Variants in ZC3H12B observed in about 807,000 individuals in gnomAD.
ZC3H12B encodes probable ribonuclease ZC3H12B.
A neutral mutation model predicts 43.9 loss-of-function variants in ZC3H12B; 7 were observed. The observed-to-expected ratio is 0.16, with a 90% CI of 0.09 to 0.30. ZC3H12B has a LOEUF of 0.30. Among genes scored for constraint, ZC3H12B ranks in the 10% least tolerant of loss-of-function variants. The probability of loss-of-function intolerance (pLI) is 1.00; values close to 1 mark genes in which losing one functional copy is unlikely to be tolerated. For missense variants in ZC3H12B, 475 were observed against 670.2 expected (o/e 0.71, Z 3.22); for synonymous variants, 222 against 241.7 (o/e 0.92, Z 0.76).
the ZC3H12B span, among the ~76,000 whole-genome samples, chrX:65,339,765 T>C: frequency 9.0e-6 from 1 of 111,608 alleles, no homozygotes; most frequent in Non-Finnish European, 1.9e-5. Context: ...TGATGAACCA[T>C]GCCTGACTAG....
At chrX:65,369,215 G>A (rs1448415685) in intron 2 of ZC3H12B, among the ~76,000 whole-genome samples, 1 of 111,461 alleles carries the variant, frequency 9.0e-6, no homozygotes, top group Admixed American at 9.6e-5. Context: ...TAGGCTTTTG[G>A]AATTAACAGG....
chrX:65,424,790 A>G (rs2067060913), intron 3 of ZC3H12B, among the ~76,000 whole-genome samples: 1 of 111,076 alleles, frequency 9.0e-6, no homozygotes, highest in South Asian at 3.7e-4. Context: ...GTGTGGTCTT[A>G]TTTCTGGGTT....
At chrX:65,200,867 A>G in the ZC3H12B span, among the ~76,000 whole-genome samples, 1 of 111,643 alleles carries the variant, frequency 9.0e-6, no homozygotes, top group Non-Finnish European at 1.9e-5. Flanking sequence ...TATTGAACCA[A>G]CCTTGCATCA....
chrX:65,112,447 A>AAC, the ZC3H12B span, among the ~76,000 whole-genome samples: 26,602 of 111,469 alleles, frequency 0.24, 7,592 homozygotes, highest in African/African-American at 0.82. Flanking sequence ...ATGTTGTTAA[A>AAC]ACCCTTCTAT....
the ZC3H12B span, among the ~76,000 whole-genome samples, chrX:65,244,628 G>A: frequency 9.8e-6 from 1 of 102,369 alleles, no homozygotes; most frequent in Non-Finnish European, 2.0e-5. Flanking sequence ...GTCTCGAGAG[G>A]CTGAAGCAGG....
At chrX:65,492,382 A>C (rs1336780939) in intron 1 of ZC3H12B, among the ~76,000 whole-genome samples, 1 of 112,347 alleles carries the variant, frequency 8.9e-6, no homozygotes, top group Non-Finnish European at 1.9e-5. Flanking sequence ...GTCAGTAGCA[A>C]ACTGTTATAC....
At chrX:65,328,150 A>G in the ZC3H12B span, 66 of 217,568 alleles carry the variant, frequency 3.0e-4, no homozygotes, top group African/African-American at 1.9e-3. Context: ...ACATTGCTCC[A>G]ATTTATACAA....
chrX:65,215,402 C>A, the ZC3H12B span, among the ~76,000 whole-genome samples: 1 of 111,513 alleles, frequency 9.0e-6, no homozygotes, highest in African/African-American at 3.3e-5. Flanking sequence ...GCAGCTTCTC[C>A]ATTAGCATGT....
At chrX:65,292,392 C>T in the ZC3H12B span, among the ~76,000 whole-genome samples, 3 of 111,413 alleles carry the variant, frequency 2.7e-5, no homozygotes, top group Non-Finnish European at 3.8e-5. Context: ...AAACCAAATA[C>T]GGCATGTTCT....
the ZC3H12B span, among the ~76,000 whole-genome samples, chrX:65,169,618 A>T: frequency 9.0e-6 from 1 of 111,456 alleles, no homozygotes; most frequent in Non-Finnish European, 1.9e-5. Context: ...TGATCTGTCT[A>T]ATGTTGACAG....
At chrX:65,432,411 A>G (rs2067173259) in intron 3 of ZC3H12B, among the ~76,000 whole-genome samples, 1 of 111,659 alleles carries the variant, frequency 9.0e-6, no homozygotes, top group South Asian at 3.8e-4. Flanking sequence ...TGCACAGCAA[A>G]TCATGTATAA....
the ZC3H12B span, among the ~76,000 whole-genome samples, chrX:65,132,884 T>C: frequency 9.0e-6 from 1 of 111,310 alleles, no homozygotes; most frequent in Non-Finnish European, 1.9e-5. Context: ...TCCGAGGTGA[T>C]TGGGCAGCGT....
At chrX:65,351,735 G>T in the ZC3H12B span, among the ~76,000 whole-genome samples, 1 of 112,406 alleles carries the variant, frequency 8.9e-6, no homozygotes, top group Non-Finnish European at 1.9e-5. Flanking sequence ...ATCACCGGTC[G>T]TTAGAGAAAT....
chrX:65,473,776 A>G (rs1005436008), intron 3 of ZC3H12B, among the ~76,000 whole-genome samples: 1 of 111,598 alleles, frequency 9.0e-6, no homozygotes, highest in African/African-American at 3.3e-5. Flanking sequence ...CTTGTTTCCC[A>G]TAGCATATAT....
chrX:65,108,296 A>T, the ZC3H12B span, among the ~76,000 whole-genome samples: 1 of 111,767 alleles, frequency 8.9e-6, no homozygotes, highest in Non-Finnish European at 1.9e-5. Context: ...AAACATTTTA[A>T]TTTTTTAATT....
At chrX:65,350,959 G>GA in the ZC3H12B span, among the ~76,000 whole-genome samples, 6 of 111,613 alleles carry the variant, frequency 5.4e-5, no homozygotes, top group East Asian at 8.4e-4. Context: ...CACAGAATTG[G>GA]AAAAAAATAC....
At chrX:65,388,291 A>T (rs1364457591) in intron 2 of ZC3H12B, among the ~76,000 whole-genome samples, 1 of 111,824 alleles carries the variant, frequency 8.9e-6, no homozygotes, top group Non-Finnish European at 1.9e-5. Flanking sequence ...TCAGACATAG[A>T]TTTGGTCTTT....
At chrX:65,387,171 G>A (rs2066539612) in intron 2 of ZC3H12B, among the ~76,000 whole-genome samples, 1 of 111,687 alleles carries the variant, frequency 9.0e-6, no homozygotes, top group Non-Finnish European at 1.9e-5. Flanking sequence ...TCCGCTTGGT[G>A]CAGAGCTGAG....
intron 3 of ZC3H12B, among the ~76,000 whole-genome samples, chrX:65,425,057 G>C (rs752278177): frequency 8.9e-6 from 1 of 111,896 alleles, no homozygotes; most frequent in African/African-American, 3.2e-5. Context: ...GCTTTGGGCA[G>C]TATTGCCATT....
Sources: allele counts gnomAD v4.1 joint callset (sites outside exome capture counted in the v4.1 genomes callset), GRCh38; gene constraint gnomAD v4.1.1; transcripts MANE v1.5; gene names NCBI Gene and HGNC (gene_info 2026-07-23, HGNC 2026-07-21).